Variants in C2CD3 observed in about 807,000 individuals in gnomAD.
C2CD3 encodes C2 domain containing 3 centriole elongation regulator.
Under a neutral mutation model 234.0 loss-of-function variants are expected in C2CD3, and 148 were observed. The observed-to-expected ratio is 0.63, with a 90% CI of 0.55 to 0.72. The LOEUF is 0.72. Ranked by LOEUF, C2CD3 falls within the 30% of genes least tolerant of loss-of-function variation. C2CD3 has a pLI of 0.00. For synonymous variants in C2CD3, 1,000 were observed against 1,035.4 expected (o/e 0.97, Z 0.66); for missense variants, 2,577 against 2,811.5 (o/e 0.92, Z 1.89).
At position 74,030,377 on chromosome 11, in the gene C2CD3, T is replaced by A. The variant is rs151266001; in HGVS notation, c.6810-1979A>T. Among the ~76,000 whole-genome samples, 685 of 152,364 alleles carry A rather than the reference T, an allele frequency of 4.5e-3. 16 individuals carry two copies. The highest frequency in any genetic ancestry group is 0.029 in the Admixed American group (446 of 15,304). On this transcript the variant is annotated intron_variant, in intron 31 of 32. Coordinates refer to ENST00000334126, the MANE Select transcript of C2CD3 (RefSeq NM_001286577.2). ...TGTCTGTTCTCACTGTCCTCACCAT[T>A]AGCTGCTTTGACTAATGAAGTCTGG...
At position 74,107,322 on chromosome 11, in the gene C2CD3, T is replaced by TCTCACACACACACACACACA. The variant is rs948551188; in HGVS notation, c.1963-830_1963-829insTGTGTGTGTGTGTGTGTGAG. Among the ~76,000 whole-genome samples, 911 of 146,600 alleles carry TCTCACACACACACACACACA rather than the reference T, an allele frequency of 6.2e-3. 18 individuals carry two copies. The highest frequency in any genetic ancestry group is 0.021 in the African/African-American group (845 of 39,754). On this transcript the variant is annotated intron_variant, in intron 12 of 32. Coordinates refer to ENST00000334126, the MANE Select transcript of C2CD3 (RefSeq NM_001286577.2). ...CCTGGGCAACAAGAATGAAACTGTGTCACACACACACACACACACACACAC... is the reference window on the plus strand; with the variant it reads ...CCTGGGCAACAAGAATGAAACTGTGTCTCACACACACACACACACACACACACACACACACACACACACAC...
chr11:74,166,222 A>G (rs1018819824), intron 2 of C2CD3, among the ~76,000 whole-genome samples: 1 of 151,612 alleles, frequency 6.6e-6, no homozygotes, highest in African/African-American at 2.4e-5. Context: ...AGGCAGGAGA[A>G]TGGCGTGAAC....
At chr11:74,076,377 T>C (rs118115043) in intron 23 of C2CD3, among the ~76,000 whole-genome samples, 234 of 152,286 alleles carry the variant, frequency 1.5e-3, no homozygotes, top group Non-Finnish European at 3.0e-3. Flanking sequence ...TCTTCGACTG[T>C]AGAGTGGGGG....
At chr11:74,042,551 G>A (rs1476052708) in intron 28 of C2CD3, among the ~76,000 whole-genome samples, 1 of 151,990 alleles carries the variant, frequency 6.6e-6, no homozygotes, top group African/African-American at 2.4e-5. Context: ...CCAGAAGTTC[G>A]AGACCAGCCT....
intron 13 of C2CD3, among the ~76,000 whole-genome samples, chr11:74,104,486 T>C (rs1187478017): frequency 6.6e-6 from 1 of 151,090 alleles, no homozygotes; most frequent in African/African-American, 2.5e-5. Context: ...TACTCTCAAA[T>C]AGTTCACAAA....
chr11:74,065,605 C>T (rs1016654755), intron 24 of C2CD3, among the ~76,000 whole-genome samples: 7 of 152,276 alleles, frequency 4.6e-5, no homozygotes, highest in African/African-American at 1.7e-4. Context: ...TATAAAGACA[C>T]ATGCACACGT....
chr11:74,100,468 C>T (rs1485426456), intron 15 of C2CD3, 57 bp downstream of exon 15: 2 of 1,466,460 alleles, frequency 1.4e-6, no homozygotes, highest in Admixed American at 4.4e-5. Flanking sequence ...AATTCCTTTT[C>T]AGTCCATGCA....
chr11:74,168,182 T>G lies in C2CD3; in HGVS notation c.325+162A>C, dbSNP rs2135577924. 3.2e-5 allele frequency: 20 copies of G among 619,106 alleles called. No individual in the cohort carries two copies. In the South Asian group the frequency reaches 4.0e-4, roughly 12 times the overall value. 38.4% of individuals were successfully genotyped at this position (619,106 alleles called of 1,614,324 possible). The stretch of plus-strand genomic sequence containing the variant: ...CAAAACTGCTGGCACACAGTAACAC[T>G]CAATAAATTTACAAAGAAAAATGTC... On this transcript the variant is annotated intron_variant, in intron 2 of 32. Transcript: ENST00000334126.
At chr11:74,108,163 A>AG (rs1956602256) in intron 12 of C2CD3, 1 of 151,638 alleles carries the variant, frequency 6.6e-6, no homozygotes, top group Non-Finnish European at 1.5e-5. Context: ...AAAAAAAAAA[A>AG]AAAGAAAAGA....
At chr11:74,098,575 G>GAA in intron 15 of C2CD3, among the ~76,000 whole-genome samples, 1 of 152,318 alleles carries the variant, frequency 6.6e-6, no homozygotes, top group African/African-American at 2.4e-5. Context: ...AAGGGAGGAA[G>GAA]TGTGGTCTAC....
chr11:74,032,638 G>A (rs1952569267), intron 31 of C2CD3, among the ~76,000 whole-genome samples: 1 of 152,100 alleles, frequency 6.6e-6, no homozygotes, highest in African/African-American at 2.4e-5. Context: ...TTGGGAGGGT[G>A]AGGCAGGAGG....
At chr11:74,020,683 G>A (rs1260783337) in intron 32 of C2CD3, among the ~76,000 whole-genome samples, 2 of 152,230 alleles carry the variant, frequency 1.3e-5, no homozygotes, top group East Asian at 3.8e-4. Flanking sequence ...CCCGAGGGAA[G>A]CTCCTGTCTT....
rs577344713 is a variant in C2CD3 at position 74,093,815 on chromosome 11, C to A, written c.3344+1G>T. 1.2e-6 allele frequency: 2 copies of A among 1,613,242 alleles called. No homozygotes were observed. The highest frequency in any genetic ancestry group is 2.7e-5 in the African/African-American group (2 of 74,980). Reference sequence around the variant, plus strand: ...ATAGGACTGGGGTCTCCACACTGTACCTGCACCAGATTTCAAACTGGACTC... The same window carrying A: ...ATAGGACTGGGGTCTCCACACTGTAACTGCACCAGATTTCAAACTGGACTC... On this transcript the variant is annotated splice_donor_variant, in intron 18 of 32. Coordinates refer to ENST00000334126, the MANE Select transcript of C2CD3 (RefSeq NM_001286577.2). LOFTEE classifies it high-confidence loss of function.
intron 4 of C2CD3, 34 bp from the exon 5 acceptor site, chr11:74,139,001 T>C: frequency 6.5e-7 from 1 of 1,546,748 alleles, no homozygotes; most frequent in Non-Finnish European, 8.8e-7. Flanking sequence ...ATCAGCAATA[T>C]ATAATCTATT....
chr11:74,136,354 C>T (rs1199681316), intron 5 of C2CD3, among the ~76,000 whole-genome samples: 1 of 152,158 alleles, frequency 6.6e-6, no homozygotes, highest in Non-Finnish European at 1.5e-5. Context: ...ATTGACAGCC[C>T]ATGGGTTGTG....
intron 22 of C2CD3, among the ~76,000 whole-genome samples, chr11:74,082,123 A>AT (rs34965283): frequency 0.46 from 62,547 of 136,756 alleles, 14,314 homozygotes; most frequent in Non-Finnish European, 0.47. Context: ...GGCTGTGGAT[A>AT]TTTTTTTTTT....
intron 23 of C2CD3, among the ~76,000 whole-genome samples, chr11:74,077,614 C>T (rs1955094204): frequency 6.6e-6 from 1 of 150,822 alleles, no homozygotes; most frequent in Non-Finnish European, 1.5e-5. Flanking sequence ...GAACATCATA[C>T]ACTGGGGCCT....
chr11:74,118,127 CT>C, intron 9 of C2CD3, 100 bp downstream of exon 9: 1 of 798,988 alleles, frequency 1.3e-6, no homozygotes, highest in Non-Finnish European at 2.0e-6. Context: ...TAATTAATCA[CT>C]CTGATGGTGC....
intron 24 of C2CD3, among the ~76,000 whole-genome samples, chr11:74,065,098 G>A (rs1245612480): frequency 1.3e-5 from 2 of 152,154 alleles, no homozygotes; most frequent in African/African-American, 4.8e-5. Context: ...TTGTACAGCA[G>A]AAGAAACTAC....
Sources: gnomAD v4.1 joint callset for allele counts (sites outside exome capture counted in the v4.1 genomes callset) on GRCh38, gnomAD v4.1.1 for gene constraint, MANE v1.5 for transcripts, NCBI Gene and HGNC (gene_info 2026-07-23, HGNC 2026-07-21) for gene names.